The following VTCN1 variants were observed in gnomAD, a reference collection of about 807,000 sequenced individuals.
VTCN1 encodes the protein V-set domain containing T cell activation inhibitor 1, also known as V-set domain-containing T-cell activation inhibitor 1.
Under a neutral mutation model 26.5 loss-of-function variants are expected in VTCN1, and 26 were observed. The observed-to-expected ratio is 0.98, with a 90% CI of 0.72 to 1.36. The LOEUF (loss-of-function observed/expected upper bound fraction) is 1.36, where lower values mean the gene tolerates loss of function less well. Ranked by LOEUF, VTCN1 falls within the 40% of genes most tolerant of loss-of-function variation. The pLI, the probability that VTCN1 is intolerant of heterozygous loss-of-function variation, is 0.00. For synonymous variants in VTCN1, 116 were observed against 130.7 expected, an observed-to-expected ratio of 0.89 and a Z score of 0.77; for missense variants, 298 against 337.7, an observed-to-expected ratio of 0.88 and a Z score of 0.92.
At chr1:117,165,148 G>C (rs1377873164) in intron 2 of VTCN1, among the ~76,000 whole-genome samples, 1 of 152,224 alleles carries the variant, frequency 6.6e-6, no homozygotes, top group African/African-American at 2.4e-5. Flanking sequence ...TGATGGGTAG[G>C]AGTGTAGGTT....
chr1:117,149,930 C>T (rs1245915775), intron 4 of VTCN1, among the ~76,000 whole-genome samples: 1 of 152,220 alleles, frequency 6.6e-6, no homozygotes, highest in Non-Finnish European at 1.5e-5. Context: ...ACTTCGAACA[C>T]TTGTTTTGAT....
chr1:117,162,984 T>C (rs547965851), intron 2 of VTCN1, among the ~76,000 whole-genome samples: 1 of 152,326 alleles, frequency 6.6e-6, no homozygotes, highest in South Asian at 2.1e-4. Context: ...GCATGCTAGA[T>C]GTCTTCAGCA....
intron 1 of VTCN1, among the ~76,000 whole-genome samples, chr1:117,182,668 G>C (rs919390581): frequency 6.6e-6 from 1 of 152,156 alleles, no homozygotes; most frequent in African/African-American, 2.4e-5. Flanking sequence ...AGCTTCCCAG[G>C]CCTTCCAGCC....
chr1:117,165,106 A>C (rs528285145), intron 2 of VTCN1, among the ~76,000 whole-genome samples: 1 of 152,364 alleles, frequency 6.6e-6, no homozygotes, highest in East Asian at 1.9e-4. Flanking sequence ...TCTCCACTAC[A>C]ACTCTGTGTG....
At position 117,210,922 on chromosome 1, in the gene VTCN1, A is replaced by G; in HGVS notation, c.-67T>C. The G allele has an allele frequency of 6.5e-7, 1 of 1,549,230 alleles. No individual in the cohort carries two copies. The highest frequency in any genetic ancestry group is 2.2e-5 in the East Asian group (1 of 44,570). On this transcript the variant is annotated 5_prime_UTR_variant, in exon 1 of 6. Transcript: ENST00000369458. ...GGAGCTGCCGCTGCCTTCCTTGGTG[A>G]CTCACAACCAGCTCCCGTGTATTGG...
chr1:117,210,782 G>C (rs779779336), intron 1 of VTCN1, 42 bp downstream of exon 1: 2 of 1,608,254 alleles, frequency 1.2e-6, no homozygotes, highest in African/African-American at 1.3e-5. Context: ...CCTCACTGCT[G>C]TTCCCTTCAC....
chr1:117,191,776 C>T (rs1648257416), intron 1 of VTCN1, among the ~76,000 whole-genome samples: 1 of 151,918 alleles, frequency 6.6e-6, no homozygotes, highest in East Asian at 1.9e-4. Context: ...AGTGAAACTC[C>T]ATCTCAATAA....
chr1:117,198,984 T>C (rs1420211487), intron 1 of VTCN1, among the ~76,000 whole-genome samples: 2 of 152,184 alleles, frequency 1.3e-5, no homozygotes, highest in Non-Finnish European at 2.9e-5. Flanking sequence ...AATACCAGCC[T>C]GCCCTTTGGT....
intron 1 of VTCN1, among the ~76,000 whole-genome samples, chr1:117,201,493 T>G (rs899734568): frequency 6.6e-6 from 1 of 152,208 alleles, no homozygotes; most frequent in Non-Finnish European, 1.5e-5. Flanking sequence ...TTTCCCTGCA[T>G]GCATCCCACT....
At chr1:117,199,895 A>C (rs550796846) in intron 1 of VTCN1, among the ~76,000 whole-genome samples, 32 of 152,200 alleles carry the variant, frequency 2.1e-4, no homozygotes, top group African/African-American at 7.0e-4. Context: ...CGGCCTCCCA[A>C]AGTCCTAGGA....
rs966774617 is a variant in VTCN1 at position 117,165,533 on chromosome 1, G to C, written c.97+4574C>G. ...GCTCTCAGGCCCTGAGTTCACATGA[G>C]ATCTGGTCGTTTAAACTTATGTGGC... is the stretch of plus-strand genomic sequence containing the variant. On this transcript the variant is annotated intron_variant, in intron 2 of 5. Transcript: ENST00000369458. Among the ~76,000 whole-genome samples the C allele has an allele frequency of 2.0e-5, 3 of 152,194 alleles. No homozygotes were observed. In the East Asian group the frequency reaches 5.8e-4, roughly 29 times the overall value.
At chr1:117,194,060 C>T (rs1404162635) in intron 1 of VTCN1, among the ~76,000 whole-genome samples, 1 of 151,962 alleles carries the variant, frequency 6.6e-6, no homozygotes, top group Non-Finnish European at 1.5e-5. Flanking sequence ...GCGAAGAAAA[C>T]AATCAACAAA....
At position 117,173,923 on chromosome 1, in the gene VTCN1, C is replaced by G. The variant is rs1029180582; in HGVS notation, c.33-3752G>C. ...CTCGCTGTGAAAACAACCCTGCCAT[C>G]TGTCACCAAATTCCCTATCAGGGCA... is the stretch of plus-strand genomic sequence containing the variant. On this transcript the variant is annotated intron_variant, in intron 1 of 5. Transcript: ENST00000369458. Among the ~76,000 whole-genome samples the G allele has an allele frequency of 2.0e-5, 3 of 152,326 alleles. No homozygotes were observed. In the Middle Eastern group the frequency reaches 0.01, roughly 518 times the overall value.
intron 4 of VTCN1, among the ~76,000 whole-genome samples, chr1:117,149,235 G>A (rs1194914671): frequency 1.3e-5 from 2 of 151,388 alleles, no homozygotes; most frequent in East Asian, 3.9e-4. Context: ...TTTCAAACTC[G>A]ACATCTCTAA....
chr1:117,172,754 G>A (rs938595307), intron 1 of VTCN1, among the ~76,000 whole-genome samples: 1 of 152,112 alleles, frequency 6.6e-6, no homozygotes, highest in Non-Finnish European at 1.5e-5. Context: ...TAGGTCGAGT[G>A]GGGGACTTGG....
At chr1:117,187,982 C>T (rs769082417) in intron 1 of VTCN1, among the ~76,000 whole-genome samples, 4 of 152,124 alleles carry the variant, frequency 2.6e-5, no homozygotes, top group Non-Finnish European at 4.4e-5. Context: ...CTGCCTCACT[C>T]AGATGAAGGG....
intron 1 of VTCN1, among the ~76,000 whole-genome samples, chr1:117,206,147 C>G (rs1405805152): frequency 7.9e-5 from 2 of 25,472 alleles, no homozygotes; most frequent in Non-Finnish European, 2.2e-4. Context: ...TTATTATTAT[C>G]ATTTTTTTTT....
chr1:117,155,437 G>T lies in VTCN1; in HGVS notation c.445+1137C>A, dbSNP rs1393406158. Among the ~76,000 whole-genome samples the T allele has an allele frequency of 6.6e-6, 1 of 152,240 alleles. No homozygotes were observed. Among genetic ancestry groups the T allele is most frequent in the African/African-American group, 2.4e-5 (1 of 41,558 alleles). On this transcript the variant is annotated intron_variant, in intron 3 of 5. Coordinates refer to ENST00000369458, the MANE Select transcript of VTCN1 (RefSeq NM_024626.4). This position sits in a 1 kb window ranked among gnomAD's most constrained non-coding sequence, Gnocchi z 4.8. ...TGGAATTCATCTGTAAGGGGAATTT[G>T]TTTCATATCCCTCATTTATTTAAAT...
intron 1 of VTCN1, among the ~76,000 whole-genome samples, chr1:117,193,040 C>A (rs1199270304): frequency 1.3e-5 from 2 of 152,170 alleles, no homozygotes; most frequent in East Asian, 1.9e-4. Context: ...AGCATAACAA[C>A]TATTTACATA....
Sources: gnomAD v4.1 joint callset for allele counts (sites outside exome capture counted in the v4.1 genomes callset) on GRCh38, gnomAD v4.1.1 for gene constraint, Gnocchi (gnomAD v3.1) non-coding constraint, MANE v1.5 for transcripts, NCBI Gene and HGNC (gene_info 2026-07-23, HGNC 2026-07-21) for gene names.